The following POM121 variants were observed in gnomAD, a reference collection of about 807,000 sequenced individuals.
POM121 encodes POM121 transmembrane nucleoporin.
Under a neutral mutation model 81.3 loss-of-function variants are expected in POM121, and 32 were observed. The ratio of observed to expected loss-of-function variants is 0.39; its 90% CI spans 0.30 to 0.53. The LOEUF is 0.53. Among genes scored for constraint, POM121 ranks in the 20% least tolerant of loss-of-function variants. The probability of loss-of-function intolerance (pLI) is 0.66; values close to 1 mark genes in which losing one functional copy is unlikely to be tolerated. For synonymous variants in POM121, 514 were observed against 694.2 expected, an observed-to-expected ratio of 0.74 and a Z score of 4.08; for missense variants, 1,138 against 1,614.6, an observed-to-expected ratio of 0.70 and a Z score of 5.06.
At chr7:72,909,148 C>T (rs541422786) in intron 3 of POM121, among the ~76,000 whole-genome samples, 9 of 152,308 alleles carry the variant, frequency 5.9e-5, no homozygotes, top group African/African-American at 2.2e-4. Flanking sequence ...AATTTATGTT[C>T]TTCTGCCATG....
chr7:72,889,652 A>G (rs1791104118), intron 1 of POM121, among the ~76,000 whole-genome samples: 1 of 152,212 alleles, frequency 6.6e-6, no homozygotes, highest in Non-Finnish European at 1.5e-5. Flanking sequence ...AACTACAGGC[A>G]TGTGCCATGA....
chr7:72,907,524 T>A (rs565561459), intron 3 of POM121, among the ~76,000 whole-genome samples: 1 of 152,280 alleles, frequency 6.6e-6, no homozygotes, highest in South Asian at 2.1e-4. Flanking sequence ...TTGCTTTTTT[T>A]TTTTGAGACA....
At chr7:72,883,992 A>C (rs1554489679) in intron 1 of POM121, among the ~76,000 whole-genome samples, 1 of 151,986 alleles carries the variant, frequency 6.6e-6, no homozygotes, top group Non-Finnish European at 1.5e-5. Flanking sequence ...TGCAGCCTCA[A>C]ACTCCTGTGC....
Position 72,926,379 on chromosome 7 carries a change from C to G in POM121, c.762C>G (p.His254Gln), listed in dbSNP as rs782452958. Residue 254 changes from histidine to glutamine, a missense_variant, in exon 2 of 13, where the codon CAC becomes CAG. His to Gln is a conservative substitution (Grantham distance 24). Around this residue, in one of 7 missense-constraint regions of POM121, gnomAD observed 646 missense variants for 633.5 expected, o/e 1.02. Coordinates refer to ENST00000434423, the MANE Select transcript of POM121 (RefSeq NM_001387691.1). ...VLPTVCWNGY[H>Q]KKAVLSPRNS... ...CCACCGTGTGCTGGAATGGTTATCACAAGAAGGCTGTGCTGTCCCCTCGCA... is the reference window on the plus strand; with the variant it reads ...CCACCGTGTGCTGGAATGGTTATCAGAAGAAGGCTGTGCTGTCCCCTCGCA... The G allele has an allele frequency of 6.2e-7, 1 of 1,614,004 alleles. No homozygotes were observed. Among genetic ancestry groups the G allele is most frequent in the Non-Finnish European group, 8.5e-7 (1 of 1,179,866 alleles).
intron 3 of POM121, among the ~76,000 whole-genome samples, chr7:72,895,572 A>G (rs1179658228): frequency 6.6e-6 from 1 of 152,132 alleles, no homozygotes; most frequent in Non-Finnish European, 1.5e-5. Context: ...TCCTTCTGTC[A>G]TCGTTCAGTC....
rs183708942 is a variant in POM121, at chr7:72,902,068, C to T, written c.-216+10958C>T. Among the ~76,000 whole-genome samples, 613 of 151,208 alleles carry T rather than the reference C, an allele frequency of 4.1e-3. 3 individuals carry two copies. Among genetic ancestry groups the T allele is most frequent in the African/African-American group, 0.013 (545 of 41,256 alleles). ...CAGAGGTTTCAGTGAGCCGAGATCG[C>T]GCCATTGCACTCAAGCTTAGGCAAC... On this transcript the variant is annotated intron_variant, in intron 3 of 15. Coordinates refer to the POM121 transcript ENST00000395270.
chr7:72,924,997 G>C (rs1795208787), upstream of POM121: 3 of 1,324,618 alleles, frequency 2.3e-6, no homozygotes, highest in Non-Finnish European at 2.9e-6. Flanking sequence ...GTTGGGTCTC[G>C]GGCGCTGCCG....
chr7:72,929,921 C>G lies in POM121; in HGVS notation c.1104-19C>G, dbSNP rs1554498229. The G allele has an allele frequency of 3.2e-6, 5 of 1,565,070 alleles. No individual in the cohort carries two copies. The highest frequency in any genetic ancestry group is 4.3e-6 in the Non-Finnish European group (5 of 1,152,328). On this transcript the variant is annotated intron_variant, in intron 4 of 12. Coordinates refer to ENST00000434423, the MANE Select transcript of POM121 (RefSeq NM_001387691.1). ...ATTTTGCCTTCAATAAAGCATCTAA[C>G]TGTCTTCTCTTTTATTAGGCCTGGG...
rs1327540474 is a variant in POM121, at chr7:72,948,123, T to A, written c.*1889T>A. 2.1e-6 allele frequency: 3 copies of A among 1,398,274 alleles called. No homozygotes were observed. In the African/African-American group the frequency reaches 4.4e-5, roughly 20 times the overall value. 86.6% of individuals were successfully genotyped at this position (1,398,274 alleles called of 1,614,324 possible). A position where few individuals can be genotyped will look rare whatever the true frequency, so the allele number is the denominator to read the frequency against. ...GGCAGGACAGCCGGTCCGGGAACCC[T>A]GAGTGAGAATGAGTGTGGATGTGTA... is the stretch of plus-strand genomic sequence containing the variant. On this transcript the variant is annotated 3_prime_UTR_variant, in exon 13 of 13. Coordinates refer to ENST00000434423, the MANE Select transcript of POM121 (RefSeq NM_001387691.1).
At chr7:72,930,136 G>A in intron 5 of POM121, 25 bp downstream of exon 5, 1 of 1,581,162 alleles carries the variant, frequency 6.3e-7, no homozygotes, top group Non-Finnish European at 8.6e-7. Flanking sequence ...CTTTTAATGT[G>A]GGGGACATGA....
At chr7:72,894,429 T>G (rs1326358709) in intron 3 of POM121, among the ~76,000 whole-genome samples, 4 of 151,704 alleles carry the variant, frequency 2.6e-5, no homozygotes, top group African/African-American at 7.3e-5. Flanking sequence ...TATACAAAAA[T>G]TAGCTGGGCG....
exon 1 of POM121, chr7:72,879,424 G>T: frequency 4.8e-6 from 1 of 208,400 alleles, no homozygotes; most frequent in East Asian, 1.8e-4. Flanking sequence ...GGCCTCTAGT[G>T]GATGAGAATC....
chr7:72,922,679 A>G (rs1794924915), upstream of POM121, among the ~76,000 whole-genome samples: 3 of 151,980 alleles, frequency 2.0e-5, no homozygotes, highest in South Asian at 2.1e-4. Context: ...GTAAGCCACC[A>G]TGCCCGGCCC....
At chr7:72,916,328 A>G (rs1308798746) in intron 4 of POM121, among the ~76,000 whole-genome samples, 1 of 152,198 alleles carries the variant, frequency 6.6e-6, no homozygotes, top group Non-Finnish European at 1.5e-5. Context: ...TCTTTAATCC[A>G]TCTTGAGTTA....
At chr7:72,894,423 C>A (rs1791644346) in intron 3 of POM121, among the ~76,000 whole-genome samples, 1 of 151,654 alleles carries the variant, frequency 6.6e-6, no homozygotes, top group Admixed American at 6.6e-5. Context: ...ACTAAATATA[C>A]AAAAATTAGC....
chr7:72,895,435 C>T (rs1274719816), intron 3 of POM121, among the ~76,000 whole-genome samples: 9 of 152,156 alleles, frequency 5.9e-5, no homozygotes, highest in African/African-American at 2.2e-4. Flanking sequence ...ATGCCAGGTC[C>T]TAGACAGCTG....
chr7:72,935,926 T>C (rs1796466734), intron 5 of POM121, among the ~76,000 whole-genome samples: 1 of 152,192 alleles, frequency 6.6e-6, no homozygotes, highest in Admixed American at 6.5e-5. Context: ...TTTAGGATTT[T>C]AGTACATACA....
At chr7:72,913,155 A>T (rs2129576473) in intron 3 of POM121, among the ~76,000 whole-genome samples, 1 of 152,366 alleles carries the variant, frequency 6.6e-6, no homozygotes, top group Middle Eastern at 3.4e-3. Flanking sequence ...AATCCAAGGT[A>T]TAAAATGGGA....
intron 1 of POM121, among the ~76,000 whole-genome samples, chr7:72,882,970 C>T (rs1239146806): frequency 2.6e-5 from 4 of 152,096 alleles, no homozygotes; most frequent in Non-Finnish European, 5.9e-5. Context: ...TCTCTCTTTT[C>T]TTGGCTTTTA....
Sources: allele counts gnomAD v4.1 joint callset (sites outside exome capture counted in the v4.1 genomes callset), GRCh38; gene constraint gnomAD v4.1.1; regional missense constraint gnomAD v4.1.1; transcripts MANE v1.5; gene names NCBI Gene and HGNC (gene_info 2026-07-23, HGNC 2026-07-21).